Variants in IMMP2L observed in about 807,000 individuals in gnomAD.
IMMP2L encodes inner mitochondrial membrane peptidase subunit 2.
Under a neutral mutation model 19.3 loss-of-function variants are expected in IMMP2L, and 18 were observed. The ratio of observed to expected loss-of-function variants is 0.93; its 90% CI spans 0.64 to 1.38. The LOEUF (loss-of-function observed/expected upper bound fraction) is 1.38. Among genes scored for constraint, IMMP2L ranks in the 40% most tolerant of loss-of-function variants. The pLI, the probability that IMMP2L is intolerant of heterozygous loss-of-function variation, is 0.00. For synonymous variants in IMMP2L, 76 were observed against 73.0 expected (o/e 1.04, Z -0.21); for missense variants, 233 against 218.2 (o/e 1.07, Z -0.43).
chr7:110,668,245 A>T (rs1791595481), intron 5 of IMMP2L, among the ~76,000 whole-genome samples: 1 of 152,166 alleles, frequency 6.6e-6, no homozygotes, highest in African/African-American at 2.4e-5. Context: ...AATCCCTTGA[A>T]TGTATTCCAG....
intron 3 of IMMP2L, among the ~76,000 whole-genome samples, chr7:111,266,634 G>A (rs1693167338): frequency 2.0e-5 from 3 of 150,842 alleles, no homozygotes; most frequent in Admixed American, 2.0e-4. Flanking sequence ...CTTCCATAAA[G>A]TGCATTTCCC....
At chr7:111,476,973 T>A (rs2132161068) in intron 3 of IMMP2L, among the ~76,000 whole-genome samples, 1 of 152,266 alleles carries the variant, frequency 6.6e-6, no homozygotes, top group Non-Finnish European at 1.5e-5. Context: ...CAATGTAAAG[T>A]AACTTATTCA....
rs1462935219 is a variant in IMMP2L, at chr7:110,870,668, A to G, written c.408+15925T>C. The stretch of plus-strand genomic sequence containing the variant: ...CAACCACACAAAGACCTAAAGGAAG[A>G]GAATTCAAGGAAGAGGATCTAGCTA... On this transcript the variant is annotated intron_variant, in intron 5 of 5. Transcript: ENST00000405709. This position sits in a 1 kb window ranked among gnomAD's most constrained non-coding sequence, Gnocchi z 4.2. Among the ~76,000 whole-genome samples, 1 of 152,176 alleles carries G rather than the reference A, an allele frequency of 6.6e-6. No individual in the cohort carries two copies. The highest frequency in any genetic ancestry group is 1.5e-5 in the Non-Finnish European group (1 of 68,018).
chr7:111,427,751 TA>T (rs1836226535), intron 3 of IMMP2L, among the ~76,000 whole-genome samples: 1 of 151,786 alleles, frequency 6.6e-6, no homozygotes, highest in Non-Finnish European at 1.5e-5. Context: ...TAAGCACTCT[TA>T]ATATTTACGA....
intron 3 of IMMP2L, among the ~76,000 whole-genome samples, chr7:111,423,460 A>T (rs895533924): frequency 6.6e-6 from 1 of 151,822 alleles, no homozygotes; most frequent in Non-Finnish European, 1.5e-5. Context: ...GTATGTTTCC[A>T]GGAATTTATC....
chr7:111,364,896 G>A (rs1829620843), intron 3 of IMMP2L, among the ~76,000 whole-genome samples: 1 of 151,538 alleles, frequency 6.6e-6, no homozygotes, highest in Non-Finnish European at 1.5e-5. Context: ...CTTGAACCCA[G>A]GAGGTGGAGG....
At chr7:111,122,742 G>A in intron 3 of IMMP2L, 1 of 1,559,254 alleles carries the variant, frequency 6.4e-7, no homozygotes, top group Middle Eastern at 1.7e-4. Flanking sequence ...ATCCTTAAGG[G>A]CCCATTACAT....
chr7:111,390,158 T>G (rs949558034), intron 3 of IMMP2L, among the ~76,000 whole-genome samples: 11 of 152,082 alleles, frequency 7.2e-5, no homozygotes, highest in African/African-American at 2.7e-4. Context: ...GACTTCAACA[T>G]CGCCACAGCT....
intron 3 of IMMP2L, among the ~76,000 whole-genome samples, chr7:111,033,107 G>A (rs553669191): frequency 1.7e-4 from 26 of 152,182 alleles, no homozygotes; most frequent in Non-Finnish European, 2.8e-4. Context: ...GTGACAGAGC[G>A]AAACTCCATC....
chr7:111,561,400 A>T (rs1792028872), intron 1 of IMMP2L, among the ~76,000 whole-genome samples: 1 of 152,178 alleles, frequency 6.6e-6, no homozygotes, highest in Non-Finnish European at 1.5e-5. Flanking sequence ...TTGGGGTCCT[A>T]AAGGATTTTT....
intron 5 of IMMP2L, among the ~76,000 whole-genome samples, chr7:110,695,908 T>C (rs1793843072): frequency 6.6e-6 from 1 of 152,206 alleles, no homozygotes; most frequent in Non-Finnish European, 1.5e-5. Flanking sequence ...GTTAATAAAC[T>C]GAAGTCTTTG....
Position 110,995,906 on chromosome 7 carries a change from C to T in IMMP2L, c.240-32341G>A, listed in dbSNP as rs187953687. On this transcript the variant is annotated intron_variant, in intron 3 of 5. Coordinates refer to ENST00000405709, the MANE Select transcript of IMMP2L (RefSeq NM_032549.4). The stretch of plus-strand genomic sequence containing the variant: ...CAGGTTAGGACATTATCAACAAATC[C>T]TTTTATGGCATTCATAATACCCTGA... Among the ~76,000 whole-genome samples the T allele has an allele frequency of 2.6e-5, 4 of 152,180 alleles. No individual in the cohort carries two copies. The East Asian group carries it at 7.7e-4, about 29-fold the overall frequency.
intron 5 of IMMP2L, among the ~76,000 whole-genome samples, chr7:110,701,097 C>G (rs1036308888): frequency 5.3e-5 from 8 of 152,156 alleles, no homozygotes; most frequent in Admixed American, 2.0e-4. Context: ...TATCACACTT[C>G]TGTTATACAT....
chr7:111,076,410 G>A lies in IMMP2L; in HGVS notation c.240-112845C>T, dbSNP rs571118525. On this transcript the variant is annotated intron_variant, in intron 3 of 5. Coordinates refer to ENST00000405709, the MANE Select transcript of IMMP2L (RefSeq NM_032549.4). ...GTAACATTTTTGTGGAGGTTTGGAT[G>A]GTTGATTGCCTTAATGTGGGGATTT... Among the ~76,000 whole-genome samples, 15 of 152,262 alleles carry A rather than the reference G, an allele frequency of 9.9e-5. No individual in the cohort carries two copies. In the East Asian group the frequency reaches 1.4e-3, roughly 14 times the overall value.
intron 3 of IMMP2L, among the ~76,000 whole-genome samples, chr7:111,446,859 T>C (rs1367156756): frequency 2.0e-5 from 3 of 150,942 alleles, no homozygotes; most frequent in Non-Finnish European, 4.4e-5. Context: ...GAGAAATGCT[T>C]AAAGGAGCTG....
chr7:111,044,856 T>C (rs1327239459), intron 3 of IMMP2L, among the ~76,000 whole-genome samples: 1 of 152,198 alleles, frequency 6.6e-6, no homozygotes. Context: ...CAGTGGGTAG[T>C]TGACAACTCT....
chr7:110,876,150 T>C (rs930563794), intron 5 of IMMP2L, among the ~76,000 whole-genome samples: 1 of 152,188 alleles, frequency 6.6e-6, no homozygotes, highest in South Asian at 2.1e-4. Context: ...GTGTACGTTT[T>C]AAATAATAAT....
chr7:111,539,988 G>C (rs1180605385), intron 1 of IMMP2L, among the ~76,000 whole-genome samples: 1 of 152,002 alleles, frequency 6.6e-6, no homozygotes, highest in East Asian at 1.9e-4. Flanking sequence ...CTTTATTTAT[G>C]TACCAATCTT....
intron 3 of IMMP2L, among the ~76,000 whole-genome samples, chr7:111,139,838 A>G (rs1802701342): frequency 2.0e-5 from 3 of 152,270 alleles, no homozygotes; most frequent in East Asian, 1.9e-4. Context: ...TCAACTCACA[A>G]TTTCCCAGCA....
Sources: gnomAD v4.1 joint callset for allele counts (sites outside exome capture counted in the v4.1 genomes callset) on GRCh38, gnomAD v4.1.1 for gene constraint, Gnocchi (gnomAD v3.1) non-coding constraint, MANE v1.5 for transcripts, NCBI Gene and HGNC (gene_info 2026-07-23, HGNC 2026-07-21) for gene names.